Variants in CNTN5 observed in about 807,000 individuals in gnomAD.
The protein encoded by CNTN5 is contactin-5.
In CNTN5, 77 loss-of-function variants were observed where a neutral mutation model predicts 129.1. The ratio of observed to expected loss-of-function variants is 0.60; its 90% confidence interval spans 0.50 to 0.72. The LOEUF is 0.72. Ranked by LOEUF, CNTN5 falls within the 30% of genes least tolerant of loss-of-function variation. The pLI is 0.00. For synonymous variants in CNTN5, 509 were observed against 465.6 expected (o/e 1.09, Z -1.20); for missense variants, 1,478 against 1,328.8 (o/e 1.11, Z -1.75).
At chr11:100,068,711 T>C (rs184362806) in intron 10 of CNTN5, among the ~76,000 whole-genome samples, 8 of 152,290 alleles carry the variant, frequency 5.3e-5, no homozygotes. Flanking sequence ...CTCACTATGG[T>C]AAAGATTTTT....
rs780172428 is a variant in CNTN5 at position 99,844,923 on chromosome 11, A to G, written c.349A>G (p.Lys117Glu). The G allele has an allele frequency of 6.2e-7, 1 of 1,613,724 alleles. No homozygotes were observed. Among genetic ancestry groups the G allele is most frequent in the Non-Finnish European group, 8.5e-7 (1 of 1,179,804 alleles). Reference protein sequence around the residue: ...DIIFPTDSDEKKVALNCEVRG... With the variant: ...DIIFPTDSDEEKVALNCEVRG... ...TATTTTTCCAACTGATTCTGATGAA[A>G]AGAAGGTAGCATTGAATTGTGAAGT... Residue 117 changes from lysine (K) to glutamate (E), a missense_variant, in exon 5 of 25, where the codon AAG (lysine) becomes GAG (glutamate). Lys to Glu is a moderately conservative substitution (Grantham distance 56, BLOSUM62 1). Coordinates refer to ENST00000524871, the MANE Select transcript of CNTN5 (RefSeq NM_014361.4).
chr11:99,781,354 C>G (rs1319837806), intron 3 of CNTN5, among the ~76,000 whole-genome samples: 1 of 151,928 alleles, frequency 6.6e-6, no homozygotes, highest in Admixed American at 6.6e-5. Context: ...TGTTTCTTGG[C>G]ATATGTGACT....
intron 18 of CNTN5, among the ~76,000 whole-genome samples, chr11:100,286,922 G>C (rs1000245970): frequency 1.3e-5 from 2 of 152,064 alleles, no homozygotes; most frequent in Admixed American, 1.3e-4. Context: ...GGAGCTGATG[G>C]AGCTGAAAAC....
At chr11:99,526,472 A>C (rs529088957) in intron 2 of CNTN5, among the ~76,000 whole-genome samples, 208 of 152,352 alleles carry the variant, frequency 1.4e-3, no homozygotes, top group African/African-American at 4.9e-3. Flanking sequence ...GTTTTATGCA[A>C]GAATAGCTCA....
At chr11:99,319,524 T>C (rs1277207395) in intron 1 of CNTN5, among the ~76,000 whole-genome samples, 1 of 152,296 alleles carries the variant, frequency 6.6e-6, no homozygotes, top group South Asian at 2.1e-4. Context: ...AGTTTCATTC[T>C]CCCACTGGAC....
chr11:100,032,642 A>G (rs145410480), intron 9 of CNTN5, among the ~76,000 whole-genome samples: 124 of 152,204 alleles, frequency 8.1e-4, no homozygotes, highest in Middle Eastern at 3.4e-3. Flanking sequence ...TTGTTATGCA[A>G]TCGTTGATGA....
At chr11:99,531,137 C>CAA (rs1947689042) in intron 2 of CNTN5, among the ~76,000 whole-genome samples, 1 of 152,104 alleles carries the variant, frequency 6.6e-6, no homozygotes, top group Non-Finnish European at 1.5e-5. Flanking sequence ...GGGATATGGA[C>CAA]AATAAGGTCC....
chr11:100,125,996 G>A (rs1156398170), intron 13 of CNTN5, among the ~76,000 whole-genome samples: 1 of 151,958 alleles, frequency 6.6e-6, no homozygotes, highest in African/African-American at 2.4e-5. Context: ...ATTTTTGTAT[G>A]TGTGTATCTA....
intron 11 of CNTN5, among the ~76,000 whole-genome samples, chr11:100,071,489 A>C (rs763986157): frequency 1.3e-5 from 2 of 152,210 alleles, no homozygotes; most frequent in Non-Finnish European, 2.9e-5. Flanking sequence ...TAACTACAAA[A>C]AAATTGTAAT....
In CNTN5 at chr11:99,221,190, T is replaced by G. The variant is rs1198821417; in HGVS notation, c.-209-104156T>G. Among the ~76,000 whole-genome samples, 4 of 152,074 alleles carry G rather than the reference T, an allele frequency of 2.6e-5. No homozygotes were observed. The South Asian group carries it at 6.2e-4, about 24-fold the overall frequency. On this transcript the variant is annotated intron_variant, in intron 1 of 24. Coordinates refer to ENST00000524871, the MANE Select transcript of CNTN5 (RefSeq NM_014361.4). Reference sequence around the variant, plus strand: ...ATTCAAACAAGTATAACTTTGATAATTTTTATTCATTTATGAATCACTCTA... The same window carrying G: ...ATTCAAACAAGTATAACTTTGATAAGTTTTATTCATTTATGAATCACTCTA...
intron 3 of CNTN5, among the ~76,000 whole-genome samples, chr11:99,703,907 A>C (rs1954639005): frequency 6.6e-6 from 1 of 151,072 alleles, no homozygotes; most frequent in Non-Finnish European, 1.5e-5. Context: ...ATATATAAGA[A>C]ATGATTAATG....
intron 15 of CNTN5, among the ~76,000 whole-genome samples, chr11:100,206,550 A>G (rs1948916448): frequency 1.3e-5 from 2 of 152,242 alleles, no homozygotes; most frequent in Middle Eastern, 3.4e-3. Context: ...GTTTTACATA[A>G]ATTTAGATGT....
At chr11:100,276,540 AAAAAAAAAAAAAGG>A (rs1950517040) in intron 18 of CNTN5, among the ~76,000 whole-genome samples, 1 of 144,640 alleles carries the variant, frequency 6.9e-6, no homozygotes, top group African/African-American at 2.8e-5. Flanking sequence ...AAAAAAAAAA[AAAAAAAAAAAAAGG>A]AAAGAAACAC....
chr11:99,331,939 T>C (rs1343129630), intron 2 of CNTN5, among the ~76,000 whole-genome samples: 2 of 151,972 alleles, frequency 1.3e-5, no homozygotes, highest in Non-Finnish European at 1.5e-5. Flanking sequence ...AAGAGAATAA[T>C]GAATAAAAAG....
intron 2 of CNTN5, among the ~76,000 whole-genome samples, chr11:99,521,498 T>C (rs1049570550): frequency 1.3e-5 from 2 of 152,194 alleles, no homozygotes; most frequent in African/African-American, 4.8e-5. Context: ...AAGAATAACA[T>C]TATAATAATT....
At chr11:99,059,708 C>T (rs924605723) in intron 1 of CNTN5, among the ~76,000 whole-genome samples, 4 of 152,066 alleles carry the variant, frequency 2.6e-5, no homozygotes, top group Admixed American at 6.6e-5. Context: ...TATTAATATT[C>T]CTATACTGTT....
At chr11:100,218,530 C>T (rs779571674) in intron 15 of CNTN5, among the ~76,000 whole-genome samples, 1 of 152,264 alleles carries the variant, frequency 6.6e-6, no homozygotes, top group Non-Finnish European at 1.5e-5. Context: ...CCACTGGGCA[C>T]CATACTGAGA....
chr11:99,585,514 G>T (rs1021539698), intron 3 of CNTN5, among the ~76,000 whole-genome samples: 1 of 151,900 alleles, frequency 6.6e-6, no homozygotes, highest in Non-Finnish European at 1.5e-5. Context: ...TATATATTTA[G>T]GTTAACTTAT....
intron 3 of CNTN5, among the ~76,000 whole-genome samples, chr11:99,713,999 A>G (rs1218969043): frequency 6.6e-6 from 1 of 151,962 alleles, no homozygotes; most frequent in Non-Finnish European, 1.5e-5. Context: ...TTCCGCAGAC[A>G]CAAAATAACT....
Sources: allele counts gnomAD v4.1 joint callset (sites outside exome capture counted in the v4.1 genomes callset), GRCh38; gene constraint gnomAD v4.1.1; transcripts MANE v1.5; gene names NCBI Gene and HGNC (gene_info 2026-07-23, HGNC 2026-07-21).